Variants in LONRF1 observed in about 807,000 individuals in gnomAD.
The protein encoded by LONRF1 is LON peptidase N-terminal domain and RING finger protein 1.
Under a neutral mutation model 85.8 loss-of-function variants are expected in LONRF1, and 37 were observed. That is an observed-to-expected ratio of 0.43 (90% confidence interval 0.33 to 0.57). LONRF1 has a LOEUF of 0.57. Among genes scored for constraint, LONRF1 ranks in the 20% least tolerant of loss-of-function variants. The pLI is 0.04. For synonymous variants in LONRF1, 517 were observed against 390.1 expected, an observed-to-expected ratio of 1.33 and a Z score of -3.83; for missense variants, 1,036 against 978.0, an observed-to-expected ratio of 1.06 and a Z score of -0.79.
chr8:12,737,268 T>C, intron 4 of LONRF1, 128 bp from the exon 5 acceptor site: 1 of 1,124,598 alleles, frequency 8.9e-7, no homozygotes, highest in South Asian at 1.3e-5. Flanking sequence ...TTAATAGCAC[T>C]AACTTGATTC....
At chr8:12,739,926 C>T (rs549964087) in intron 3 of LONRF1, among the ~76,000 whole-genome samples, 82 of 152,268 alleles carry the variant, frequency 5.4e-4, no homozygotes, top group African/African-American at 1.9e-3. Flanking sequence ...CCAATGCCAG[C>T]TGGATTCTTA....
intron 9 of LONRF1, 27 bp downstream of exon 9, chr8:12,729,147 A>T: frequency 6.2e-7 from 1 of 1,612,382 alleles, no homozygotes; most frequent in Non-Finnish European, 8.5e-7. Context: ...ACATAAATAC[A>T]AATATTTAGG....
At chr8:12,747,523 T>C (rs936428441) in intron 1 of LONRF1, among the ~76,000 whole-genome samples, 7 of 152,302 alleles carry the variant, frequency 4.6e-5, no homozygotes, top group African/African-American at 1.7e-4. Flanking sequence ...AAATTTAAGG[T>C]TCGAATTGAC....
intron 7 of LONRF1, among the ~76,000 whole-genome samples, chr8:12,733,322 C>T (rs1798598824): frequency 3.0e-5 from 1 of 33,872 alleles, no homozygotes; most frequent in South Asian, 5.7e-4. Context: ...ATAAAAATCT[C>T]AATAAATGTA....
At chr8:12,753,437 T>C (rs1799489561) in intron 1 of LONRF1, 1 of 152,156 alleles carries the variant, frequency 6.6e-6, no homozygotes, top group African/African-American at 2.4e-5. Flanking sequence ...ACTAAGATCT[T>C]GAAATACGCG....
intron 1 of LONRF1, among the ~76,000 whole-genome samples, chr8:12,747,035 T>C (rs1315655356): frequency 6.6e-6 from 1 of 152,242 alleles, no homozygotes; most frequent in Non-Finnish European, 1.5e-5. Flanking sequence ...CTCCCTCCGT[T>C]ATTTCCTGCC....
intron 1 of LONRF1, among the ~76,000 whole-genome samples, chr8:12,752,363 A>G (rs988966988): frequency 6.6e-6 from 1 of 152,226 alleles, no homozygotes; most frequent in Admixed American, 6.5e-5. Context: ...GCCCTTTACC[A>G]ACTCTAATTT....
intron 1 of LONRF1, among the ~76,000 whole-genome samples, chr8:12,744,463 C>A (rs949694428): frequency 1.3e-5 from 2 of 152,094 alleles, no homozygotes; most frequent in African/African-American, 4.8e-5. Flanking sequence ...AAAATTATCT[C>A]TGAACAAAAT....
At chr8:12,751,298 T>TTTTTTTTTGTTTG (rs1585262085) in intron 1 of LONRF1, among the ~76,000 whole-genome samples, 1 of 82,162 alleles carries the variant, frequency 1.2e-5, no homozygotes, top group Non-Finnish European at 2.7e-5. Flanking sequence ...ATTTTTATGT[T>TTTTTTTTTGTTTG]TTTTTTTTTT....
intron 2 of LONRF1, among the ~76,000 whole-genome samples, chr8:12,742,229 A>G (rs997396983): frequency 2.6e-5 from 4 of 152,186 alleles, no homozygotes; most frequent in South Asian, 2.1e-4. Context: ...CATTTCTCTA[A>G]TTAATTTATA....
rs2128792230 is a variant in LONRF1 at position 12,754,931 on chromosome 8, G to A, written c.490C>T (p.Pro164Ser). Reference sequence around the variant, plus strand: ...GCATCAGTGGCACTGGCGGTGGCGGGCGGCAGCCGGTCCCGGCAGAGGCGG... The same window carrying A: ...GCATCAGTGGCACTGGCGGTGGCGGACGGCAGCCGGTCCCGGCAGAGGCGG... ...RCRLCRDRLP[P>S]ATASATDAEG... is the part of the protein sequence containing the mutation. Residue 164 changes from proline to serine, a missense_variant, in exon 1 of 12, where the codon CCC (proline) becomes TCC (serine). Physicochemically the swap from Pro to Ser is moderately conservative, Grantham distance 74. Coordinates refer to ENST00000398246, the MANE Select transcript of LONRF1 (RefSeq NM_152271.5). 3 of 1,489,922 alleles carry A rather than the reference G, an allele frequency of 2.0e-6. No individual in the cohort carries two copies. The East Asian group carries it at 8.5e-5, about 42-fold the overall frequency. The allele number at this position is 1,489,922 out of a possible 1,614,324, so 92.3% of individuals were successfully genotyped here.
chr8:12,745,645 C>A (rs1414346341), intron 1 of LONRF1, among the ~76,000 whole-genome samples: 1 of 152,340 alleles, frequency 6.6e-6, no homozygotes, highest in Middle Eastern at 3.4e-3. Flanking sequence ...GATGCTGGTG[C>A]TCACTCCATT....
Position 12,731,739 on chromosome 8 carries a change from G to C in LONRF1, c.1685C>G (p.Ser562Ter). Residue 562 changes from serine to a stop codon, truncating the protein, a stop_gained, in exon 8 of 12, where the codon TCA (serine) becomes TGA (stop). Coordinates refer to ENST00000398246, the MANE Select transcript of LONRF1 (RefSeq NM_152271.5). LOFTEE classifies it high-confidence loss of function. ...KIYDEETAEL[S>*]HLTKNVPIFV... ...TTTTTTATGAGAAGAAACTTACTGTGAGAGTTCAGCAGTTTCTTCATCATA... is the reference window on the plus strand; with the variant it reads ...TTTTTTATGAGAAGAAACTTACTGTCAGAGTTCAGCAGTTTCTTCATCATA... 1 of 1,610,044 alleles carries C rather than the reference G, an allele frequency of 6.2e-7. No individual in the cohort carries two copies.
intron 11 of LONRF1, among the ~76,000 whole-genome samples, chr8:12,724,345 A>G (rs1039078381): frequency 2.6e-5 from 4 of 152,150 alleles, no homozygotes; most frequent in Non-Finnish European, 5.9e-5. Flanking sequence ...GTAGACTGAG[A>G]CAGTGGTGCA....
rs1052521245 is a variant in LONRF1, at chr8:12,754,872, G to T, written c.549C>A (p.Ala183=). ...TGAAGTCTGAAGCGGCGATGGCGGC[G>T]GCCAGAGGCGGCGGCCGCGGGGCGG... ...EGTAPRPPPL[A]AAIAASDFRT... is the part of the protein sequence containing the mutation. The change falls in exon 1 of 12, where the codon GCC becomes GCA. Residue 183 remains alanine, a synonymous_variant. Coordinates refer to ENST00000398246, the MANE Select transcript of LONRF1 (RefSeq NM_152271.5). 6.2e-5 allele frequency: 92 copies of T among 1,493,340 alleles called. No individual in the cohort carries two copies. Among genetic ancestry groups the T allele is most frequent in the Non-Finnish European group, 7.9e-5 (89 of 1,126,504 alleles). The allele number at this position is 1,493,340 out of a possible 1,614,324, so 92.5% of individuals were successfully genotyped here.
chr8:12,731,702 T>C (rs564678856), intron 8 of LONRF1, 34 bp downstream of exon 8: 5 of 1,585,324 alleles, frequency 3.2e-6, no homozygotes, highest in Non-Finnish European at 4.3e-6. Flanking sequence ...TAAAGGGTAG[T>C]AGTTCATAAT....
intron 1 of LONRF1, chr8:12,753,832 C>A (rs890532852): frequency 2.0e-5 from 3 of 151,592 alleles, no homozygotes; most frequent in African/African-American, 7.2e-5. Context: ...TAAGGCCTTT[C>A]CCCACAGCCT....
intron 11 of LONRF1, among the ~76,000 whole-genome samples, chr8:12,725,489 A>C (rs1051637238): frequency 2.0e-5 from 3 of 151,752 alleles, no homozygotes. Flanking sequence ...CCTTTCTGGC[A>C]CTCTCTCCTA....
intron 8 of LONRF1, 118 bp downstream of exon 8, chr8:12,731,618 G>T: frequency 2.4e-6 from 2 of 829,248 alleles, no homozygotes; most frequent in Non-Finnish European, 3.7e-6. Context: ...CACGGAAACA[G>T]ACCAATACTT....
Sources: allele counts gnomAD v4.1 joint callset (sites outside exome capture counted in the v4.1 genomes callset), GRCh38; gene constraint gnomAD v4.1.1; transcripts MANE v1.5; gene names NCBI Gene and HGNC (gene_info 2026-07-23, HGNC 2026-07-21).